SPOCK1: variants seen among roughly 807,000 people sequenced by gnomAD.
SPOCK1 encodes SPARC (osteonectin), cwcv and kazal like domains proteoglycan 1, also known as testican-1.
In SPOCK1, 23 loss-of-function variants were observed where a neutral mutation model predicts 55.3. That is an observed-to-expected ratio of 0.42 (90% CI 0.30 to 0.59). The LOEUF (loss-of-function observed/expected upper bound fraction) is 0.59. Ranked by LOEUF, SPOCK1 falls within the 20% of genes least tolerant of loss-of-function variation. The probability of loss-of-function intolerance (pLI) is 0.22; values close to 1 mark genes in which losing one functional copy is unlikely to be tolerated. For synonymous variants in SPOCK1, 226 were observed against 221.0 expected, an observed-to-expected ratio of 1.02 and a Z score of -0.20; for missense variants, 499 against 552.5, an observed-to-expected ratio of 0.90 and a Z score of 0.97.
At chr5:137,016,895 A>T (rs1200588476) in intron 6 of SPOCK1, among the ~76,000 whole-genome samples, 2 of 152,226 alleles carry the variant, frequency 1.3e-5, no homozygotes, top group African/African-American at 4.8e-5. Context: ...GTGGGGAGTA[A>T]AGGAGAAACC....
chr5:137,239,543 C>A (rs67319167), intron 3 of SPOCK1, among the ~76,000 whole-genome samples: 65,744 of 151,794 alleles, frequency 0.43, 14,618 homozygotes, highest in Non-Finnish European at 0.47. Context: ...AAGTGGGGGG[C>A]AGTCTTGTAG....
intron 2 of SPOCK1, among the ~76,000 whole-genome samples, chr5:137,467,106 T>C (rs1411909091): frequency 6.6e-6 from 1 of 152,222 alleles, no homozygotes; most frequent in East Asian, 1.9e-4. Flanking sequence ...AGGCCTCTGG[T>C]AGGGTAACTT....
At chr5:137,480,978 T>A (rs911695203) in intron 2 of SPOCK1, among the ~76,000 whole-genome samples, 2 of 152,212 alleles carry the variant, frequency 1.3e-5, no homozygotes, top group East Asian at 1.9e-4. Context: ...TTCTTTAATA[T>A]TTTTTACTTG....
chr5:137,495,916 A>T (rs1318809769), intron 2 of SPOCK1, among the ~76,000 whole-genome samples: 1 of 152,226 alleles, frequency 6.6e-6, no homozygotes, highest in Non-Finnish European at 1.5e-5. Flanking sequence ...ATGAATGAAG[A>T]AGTTTGGGAT....
chr5:137,429,974 G>T (rs1225396365), intron 2 of SPOCK1, among the ~76,000 whole-genome samples: 1 of 152,260 alleles, frequency 6.6e-6, no homozygotes, highest in Non-Finnish European at 1.5e-5. Context: ...ACCTTGTGAA[G>T]TGTGTCTTCA....
chr5:137,097,187 C>A (rs1753165260), intron 5 of SPOCK1, among the ~76,000 whole-genome samples: 1 of 152,108 alleles, frequency 6.6e-6, no homozygotes, highest in African/African-American at 2.4e-5. Context: ...GTGAAGCTGG[C>A]CACTGGGGGG....
Position 137,356,798 on chromosome 5 carries a change from A to ATATATATATAT in SPOCK1, c.187-89744_187-89743insATATATATATA, listed in dbSNP as rs1491351108. ...AGAGCAAGACTGTCTCAAAAAAAAT[A>ATATATATATAT]ATATATATATATATATATATATATA... On this transcript the variant is annotated intron_variant, in intron 2 of 10. Coordinates refer to ENST00000394945, the MANE Select transcript of SPOCK1 (RefSeq NM_004598.4). Among the ~76,000 whole-genome samples, 36 of 13,730 alleles carry ATATATATATAT rather than the reference A, an allele frequency of 2.6e-3. 3 individuals carry two copies. Among genetic ancestry groups the ATATATATATAT allele is most frequent in the East Asian group, 5.2e-3 (3 of 578 alleles). 9.0% of individuals were successfully genotyped at this position (13,730 alleles called of 152,430 possible).
intron 2 of SPOCK1, among the ~76,000 whole-genome samples, chr5:137,435,079 C>T (rs1249686942): frequency 6.6e-6 from 1 of 152,150 alleles, no homozygotes; most frequent in African/African-American, 2.4e-5. Context: ...TATCACAATG[C>T]GAACATGTTA....
chr5:137,116,409 C>T (rs1346742144), intron 4 of SPOCK1, among the ~76,000 whole-genome samples: 1 of 152,192 alleles, frequency 6.6e-6, no homozygotes, highest in Non-Finnish European at 1.5e-5. Context: ...CTTTGGGAGG[C>T]TGAGGCGGGT....
intron 6 of SPOCK1, among the ~76,000 whole-genome samples, chr5:137,022,570 A>ATC (rs1751597146): frequency 6.6e-6 from 1 of 152,092 alleles, no homozygotes; most frequent in Non-Finnish European, 1.5e-5. Flanking sequence ...AGAATATTAC[A>ATC]CTCATGCAAG....
At chr5:137,494,676 A>G (rs1450015559) in intron 2 of SPOCK1, among the ~76,000 whole-genome samples, 2 of 152,272 alleles carry the variant, frequency 1.3e-5, no homozygotes, top group Middle Eastern at 3.2e-3. Flanking sequence ...TAAGTAGTCT[A>G]TGACAGCATA....
chr5:137,469,020 A>G (rs974824353), intron 2 of SPOCK1, among the ~76,000 whole-genome samples: 1 of 152,218 alleles, frequency 6.6e-6, no homozygotes, highest in Non-Finnish European at 1.5e-5. Flanking sequence ...AGTTTTGATA[A>G]ACTGTAGGAA....
intron 2 of SPOCK1, among the ~76,000 whole-genome samples, chr5:137,361,157 C>G (rs992333690): frequency 3.3e-5 from 5 of 152,208 alleles, no homozygotes; most frequent in African/African-American, 9.7e-5. Context: ...TGCAAGTCAG[C>G]AAGTGGGCCT....
intron 2 of SPOCK1, among the ~76,000 whole-genome samples, chr5:137,305,116 C>T (rs1434127290): frequency 6.6e-6 from 1 of 152,168 alleles, no homozygotes; most frequent in African/African-American, 2.4e-5. Context: ...ATTTTATTAA[C>T]CACCCTCGAA....
At chr5:137,182,782 G>C (rs988989594) in intron 3 of SPOCK1, among the ~76,000 whole-genome samples, 2 of 152,182 alleles carry the variant, frequency 1.3e-5, no homozygotes, top group African/African-American at 2.4e-5. Flanking sequence ...TTGCTCAATA[G>C]AAGTGGCCAC....
intron 2 of SPOCK1, among the ~76,000 whole-genome samples, chr5:137,333,057 C>T (rs1448638440): frequency 6.6e-6 from 1 of 152,192 alleles, no homozygotes; most frequent in Non-Finnish European, 1.5e-5. Context: ...TGTTGGTCAA[C>T]TCCCTGCCTA....
chr5:137,044,631 A>G (rs1372753073), intron 6 of SPOCK1, among the ~76,000 whole-genome samples: 1 of 152,022 alleles, frequency 6.6e-6, no homozygotes, highest in Non-Finnish European at 1.5e-5. Context: ...GACATAAATA[A>G]ATGACTATTT....
chr5:137,302,528 G>C (rs2127137646), intron 2 of SPOCK1, among the ~76,000 whole-genome samples: 1 of 151,928 alleles, frequency 6.6e-6, no homozygotes, highest in East Asian at 1.9e-4. Flanking sequence ...AGTGAGGGGA[G>C]ATTGTGCCAT....
intron 3 of SPOCK1, among the ~76,000 whole-genome samples, chr5:137,227,570 T>G (rs1052517064): frequency 7.9e-5 from 12 of 152,188 alleles, no homozygotes; most frequent in Admixed American, 5.2e-4. Context: ...GCATTGAGAA[T>G]TGCAAAGGAG....
Sources: allele counts gnomAD v4.1 joint callset (sites outside exome capture counted in the v4.1 genomes callset), GRCh38; gene constraint gnomAD v4.1.1; transcripts MANE v1.5; gene names NCBI Gene and HGNC (gene_info 2026-07-23, HGNC 2026-07-21).